The following BIK variants were observed in gnomAD, a reference collection of about 807,000 sequenced individuals.
The protein encoded by BIK is bcl-2-interacting killer.
BIK carries 14 observed loss-of-function variants against 12.1 expected under a neutral mutation model. That is an observed-to-expected ratio of 1.16 (90% CI 0.77 to 1.81). The LOEUF is 1.81. BIK is among the 40% of genes most tolerant of loss of function. The pLI, the probability that BIK is intolerant of heterozygous loss-of-function variation, is 0.00. For missense variants in BIK, 215 were observed against 207.9 expected, an observed-to-expected ratio of 1.03 and a Z score of -0.21; for synonymous variants, 86 against 92.3, an observed-to-expected ratio of 0.93 and a Z score of 0.39.
chr22:43,129,166 TTGCCGGGGCCTG>T, intron 4 of BIK, 35 bp from the exon 5 acceptor site: 2 of 1,600,536 alleles, frequency 1.2e-6, no homozygotes. Context: ...TCTGGCCCCA[TTGCCGGGGCCTG>T]CCCCGAGCCT....
chr22:43,112,571 CTT>C (rs747222777), intron 1 of BIK, among the ~76,000 whole-genome samples: 7 of 142,896 alleles, frequency 4.9e-5, no homozygotes, highest in Admixed American at 7.0e-5. Context: ...ATGCCTGGCC[CTT>C]TTTTTTTTTT....
intron 1 of BIK, 116 bp from the exon 2 acceptor site, chr22:43,123,900 T>C (rs1930262994): frequency 8.9e-7 from 1 of 1,126,522 alleles, no homozygotes; most frequent in Non-Finnish European, 1.3e-6. Context: ...TTGACGGCTT[T>C]AGCGGATCAA....
intron 1 of BIK, among the ~76,000 whole-genome samples, chr22:43,120,262 A>T (rs1414498730): frequency 6.6e-6 from 1 of 152,214 alleles, no homozygotes; most frequent in Non-Finnish European, 1.5e-5. Flanking sequence ...GTCTCGGCTC[A>T]CTGCATATTC....
chr22:43,121,175 A>AAAAC (rs561868098), intron 1 of BIK, among the ~76,000 whole-genome samples: 28 of 152,280 alleles, frequency 1.8e-4, no homozygotes, highest in East Asian at 1.2e-3. Flanking sequence ...GACTGTCTCA[A>AAAAC]AAACAAACAA....
At chr22:43,128,766 G>A in intron 4 of BIK, 141 bp downstream of exon 4, 1 of 1,296,224 alleles carries the variant, frequency 7.7e-7, no homozygotes, top group Non-Finnish European at 1.1e-6. Context: ...GATCCCATGG[G>A]CTTTTGGGTT....
chr22:43,121,299 G>T (rs1930214692), intron 1 of BIK, among the ~76,000 whole-genome samples: 1 of 152,230 alleles, frequency 6.6e-6, no homozygotes, highest in South Asian at 2.1e-4. Flanking sequence ...GTGGTCCTGG[G>T]TCTACTCAGA....
intron 1 of BIK, among the ~76,000 whole-genome samples, chr22:43,123,260 C>G (rs1412277113): frequency 1.3e-5 from 2 of 152,104 alleles, no homozygotes; most frequent in Non-Finnish European, 2.9e-5. Flanking sequence ...CTCTGCCTTT[C>G]TTCTCAAGAG....
intron 2 of BIK, among the ~76,000 whole-genome samples, chr22:43,126,700 T>A (rs1042646562): frequency 1.3e-5 from 2 of 150,352 alleles, no homozygotes. Context: ...CTGCTCAGGA[T>A]TTTTTTTTTC....
chr22:43,111,932 C>G (rs920557807), intron 1 of BIK, among the ~76,000 whole-genome samples: 2 of 152,172 alleles, frequency 1.3e-5, no homozygotes, highest in Non-Finnish European at 1.5e-5. Flanking sequence ...GGTTGTCTAG[C>G]TAGAAGCCAA....
chr22:43,117,673 A>AT lies in BIK; in HGVS notation c.-7-6331dup, dbSNP rs547983018. ...GCGTGAGCCACCGCGCCCGGCCCATATTTTTTTTTTTTGAGATGGAGTTTT... is the reference window on the plus strand; with the variant it reads ...GCGTGAGCCACCGCGCCCGGCCCATATTTTTTTTTTTTTGAGATGGAGTTTT... On this transcript the variant is annotated intron_variant, in intron 1 of 4. Transcript: ENST00000216115. Among the ~76,000 whole-genome samples, 127 of 129,722 alleles carry AT rather than the reference A, an allele frequency of 9.8e-4. 1 individual carries two copies. The South Asian group carries it at 0.011, about 11-fold the overall frequency. 85.1% of individuals were successfully genotyped at this position (129,722 alleles called of 152,430 possible).
At chr22:43,112,955 G>T (rs1930039349) in intron 1 of BIK, among the ~76,000 whole-genome samples, 1 of 152,194 alleles carries the variant, frequency 6.6e-6, no homozygotes, top group South Asian at 2.1e-4. Flanking sequence ...TGTAATCCTA[G>T]CACTTTGGGA....
At chr22:43,114,836 C>A (rs1930080415) in intron 1 of BIK, among the ~76,000 whole-genome samples, 1 of 152,218 alleles carries the variant, frequency 6.6e-6, no homozygotes, top group Non-Finnish European at 1.5e-5. Flanking sequence ...TACTGCATAC[C>A]ATGCATGCAG....
chr22:43,113,531 AACGT>A (rs1345154641), intron 1 of BIK, among the ~76,000 whole-genome samples: 21 of 152,158 alleles, frequency 1.4e-4, no homozygotes, highest in African/African-American at 5.1e-4. Context: ...AGCCTGGGCT[AACGT>A]GAGACTCCAT....
Position 43,129,394 on chromosome 22 carries a change from T to C in BIK, c.*89T>C. The C allele has an allele frequency of 6.8e-7, 1 of 1,476,928 alleles. No homozygotes were observed. Among genetic ancestry groups the C allele is most frequent in the Non-Finnish European group, 8.9e-7 (1 of 1,118,972 alleles). The allele number at this position is 1,476,928 out of a possible 1,614,324, so 91.5% of individuals were successfully genotyped here. A position where few individuals can be genotyped will look rare whatever the true frequency, so the allele number is the denominator to read the frequency against. ...CTGCTGCTGTTATCTTTTTAACTGT[T>C]TTCTCATGATGCCTTTTTATATTTA... On this transcript the variant is annotated 3_prime_UTR_variant, in exon 5 of 5. Coordinates refer to ENST00000216115, the MANE Select transcript of BIK (RefSeq NM_001197.5).
At chr22:43,112,521 T>A (rs796438626) in intron 1 of BIK, among the ~76,000 whole-genome samples, 7 of 150,672 alleles carry the variant, frequency 4.6e-5, no homozygotes, top group African/African-American at 1.7e-4. Context: ...TACTCCTGCC[T>A]CAGCCTCCCA....
chr22:43,121,913 T>C (rs1026679930), intron 1 of BIK, among the ~76,000 whole-genome samples: 5 of 152,226 alleles, frequency 3.3e-5, no homozygotes, highest in African/African-American at 1.2e-4. Context: ...GTATTTTTAT[T>C]AGAGGCGGGG....
In BIK at chr22:43,124,038, C is replaced by T; in HGVS notation, c.16C>T (p.Pro6Ser). The T allele has an allele frequency of 6.2e-7, 1 of 1,614,136 alleles. No homozygotes were observed. Among genetic ancestry groups the T allele is most frequent in the Non-Finnish European group, 8.5e-7 (1 of 1,180,024 alleles). MSEVRPLSRDILMETL... is the reference protein window; with the variant it reads MSEVRSLSRDILMETL... ...CAGAGGAGAAATGTCTGAAGTAAGA[C>T]CCCTCTCCAGAGACATCTTGATGGA... The change falls in exon 2 of 5, where the codon CCC becomes TCC. Residue 6 changes from proline to serine, a missense_variant. Transcript: ENST00000216115.
At chr22:43,124,481 G>A (rs933348927) in intron 2 of BIK, among the ~76,000 whole-genome samples, 1 of 152,222 alleles carries the variant, frequency 6.6e-6, no homozygotes, top group African/African-American at 2.4e-5. Flanking sequence ...GCCTCAGGGA[G>A]CTAGACAGGC....
intron 1 of BIK, among the ~76,000 whole-genome samples, chr22:43,112,357 C>T (rs1601726686): frequency 6.6e-6 from 1 of 151,954 alleles, no homozygotes; most frequent in Non-Finnish European, 1.5e-5. Context: ...ACCACGAGGC[C>T]CAGCTAATTT....
Sources: gnomAD v4.1 joint callset for allele counts (sites outside exome capture counted in the v4.1 genomes callset) on GRCh38, gnomAD v4.1.1 for gene constraint, MANE v1.5 for transcripts, NCBI Gene and HGNC (gene_info 2026-07-23, HGNC 2026-07-21) for gene names.